Variants in SHC2 observed in about 807,000 individuals in gnomAD.
SHC2 encodes SHC-transforming protein 2.
SHC2 carries 62 observed loss-of-function variants against 60.6 expected under a neutral mutation model. The ratio of observed to expected loss-of-function variants is 1.02; its 90% CI spans 0.83 to 1.26. The LOEUF (loss-of-function observed/expected upper bound fraction) is 1.26, where lower values mean the gene tolerates loss of function less well. Among genes scored for constraint, SHC2 ranks in the 50% most tolerant of loss-of-function variants. SHC2 has a pLI of 0.00. For synonymous variants in SHC2, 375 were observed against 372.4 expected, an observed-to-expected ratio of 1.01 and a Z score of -0.08; for missense variants, 873 against 822.2, an observed-to-expected ratio of 1.06 and a Z score of -0.76.
Position 447,121 on chromosome 19 carries a change from C to G in SHC2, c.469-6189G>C, listed in dbSNP as rs529685539. 3.2e-4 allele frequency among the ~76,000 whole-genome samples: 49 copies of G among 152,362 alleles called. No individual in the cohort carries two copies. The South Asian group carries it at 9.3e-3, about 29-fold the overall frequency. On this transcript the variant is annotated intron_variant, in intron 1 of 12. Coordinates refer to ENST00000264554, the MANE Select transcript of SHC2 (RefSeq NM_012435.3). ...ACTGATAAATGCAGTGGGGTCCATCCGCACTCTGGAACGTGACCCAGACGT... is the reference window on the plus strand; with the variant it reads ...ACTGATAAATGCAGTGGGGTCCATCGGCACTCTGGAACGTGACCCAGACGT...
chr19:429,108 C>T (rs540643274), intron 9 of SHC2, among the ~76,000 whole-genome samples: 3 of 149,478 alleles, frequency 2.0e-5, no homozygotes, highest in Non-Finnish European at 4.4e-5. Context: ...CTATACCCAA[C>T]GTGCACGGAA....
rs150449162 is a variant in SHC2, at chr19:434,963, C to T, written c.954-98G>A. 6.0e-3 allele frequency: 7,777 copies of T among 1,298,996 alleles called. 33 individuals are homozygous for T. The highest frequency in any genetic ancestry group is 7.2e-3 in the African/African-American group (485 of 67,290). 80.5% of individuals were successfully genotyped at this position (1,298,996 alleles called of 1,614,324 possible). ...TGGGGGAGCAGGAAATATCTGAGTT[C>T]GAATCCCAGCCCCCCACCTGTCACT... is the stretch of plus-strand genomic sequence containing the variant. On this transcript the variant is annotated intron_variant, in intron 7 of 12. Coordinates refer to ENST00000264554, the MANE Select transcript of SHC2 (RefSeq NM_012435.3).
chr19:447,930 G>C (rs923529570), intron 1 of SHC2, among the ~76,000 whole-genome samples: 2 of 152,244 alleles, frequency 1.3e-5, no homozygotes, highest in Non-Finnish European at 2.9e-5. Flanking sequence ...AGTGCGTGAA[G>C]GTTTGCTGGG....
At chr19:419,078 A>G (rs1210936327) in intron 11 of SHC2, 22 bp from the exon 12 acceptor site, 2 of 1,558,710 alleles carry the variant, frequency 1.3e-6, no homozygotes, top group South Asian at 2.4e-5. Flanking sequence ...AGACCTCGGC[A>G]TCAGCTCCCG....
chr19:443,298 G>A (rs1332074636), intron 1 of SHC2, among the ~76,000 whole-genome samples: 1 of 145,744 alleles, frequency 6.9e-6, no homozygotes, highest in African/African-American at 2.6e-5. Context: ...GCATGGATGG[G>A]TGGGTGGATG....
chr19:436,061 A>G, intron 7 of SHC2, 104 bp downstream of exon 7: 1 of 1,277,462 alleles, frequency 7.8e-7, no homozygotes, highest in Non-Finnish European at 1.1e-6. Flanking sequence ...AGGGAGGGAC[A>G]AGGGCAGGAC....
chr19:417,300 G>A lies in SHC2; in HGVS notation c.*28C>T, dbSNP rs1431027061. On this transcript the variant is annotated 3_prime_UTR_variant, in exon 13 of 13. Transcript: ENST00000264554. ...AGGAGCCGGGGCTGAGAACAGGCAG[G>A]AGCCAGGGCTGAGAACGGTCACCTG... 1 of 153,034 alleles carries A rather than the reference G, an allele frequency of 6.5e-6. No individual in the cohort carries two copies. Among genetic ancestry groups the A allele is most frequent in the Non-Finnish European group, 1.5e-5 (1 of 68,676 alleles). 9.5% of individuals were successfully genotyped at this position (153,034 alleles called of 1,614,324 possible).
intron 1 of SHC2, among the ~76,000 whole-genome samples, chr19:457,406 C>CCTTTGCACCTGCGCCTG: frequency 6.6e-6 from 1 of 152,174 alleles, no homozygotes; most frequent in Non-Finnish European, 1.5e-5. Context: ...AACCCCACGG[C>CCTTTGCACCTGCGCCTG]CGGGGTTTCC....
At position 425,504 on chromosome 19, in the gene SHC2, G is replaced by C. The variant is rs963512818; in HGVS notation, c.1175-273C>G. ...GTGGGCACCAGACGTCCACGCCCAG[G>C]GAGAAGGCAGCCGCTGCTCCACCCC... On this transcript the variant is annotated intron_variant, in intron 9 of 12. Transcript: ENST00000264554. The surrounding 1 kb of genome is among the most constrained non-coding windows in gnomAD (Gnocchi z 4.1). Among the ~76,000 whole-genome samples the C allele has an allele frequency of 1.3e-5, 2 of 152,184 alleles. No homozygotes were observed. Among genetic ancestry groups the C allele is most frequent in the African/African-American group, 2.4e-5 (1 of 41,440 alleles).
intron 11 of SHC2, 39 bp from the exon 12 acceptor site, chr19:419,095 C>G: frequency 6.5e-7 from 1 of 1,539,556 alleles, no homozygotes; most frequent in Non-Finnish European, 8.8e-7. Flanking sequence ...CCCGGGAGCC[C>G]GCCTGGACCC....
chr19:417,898 G>A (rs999370881), intron 12 of SHC2, among the ~76,000 whole-genome samples: 4 of 152,112 alleles, frequency 2.6e-5, no homozygotes, highest in Non-Finnish European at 5.9e-5. Flanking sequence ...CCGTTGTCAT[G>A]GGGACAGGAG....
rs555618796 is a variant in SHC2, at chr19:453,045, A to C, written c.468+7484T>G. 8.5e-5 allele frequency: 13 copies of C among 152,304 alleles called. No individual in the cohort carries two copies. Among genetic ancestry groups the C allele is most frequent in the Non-Finnish European group, 1.6e-4 (11 of 68,036 alleles). 9.4% of individuals were successfully genotyped at this position (152,304 alleles called of 1,614,324 possible). A position where few individuals can be genotyped will look rare whatever the true frequency, so the allele number is the denominator to read the frequency against. On this transcript the variant is annotated intron_variant, in intron 1 of 12. Coordinates refer to ENST00000264554, the MANE Select transcript of SHC2 (RefSeq NM_012435.3). The surrounding 1 kb of genome is among the most constrained non-coding windows in gnomAD (Gnocchi z 6.3). ...CTCCCAGTGGACGTGGCCGGGTCCC[A>C]GCGACGTCGGGTGCTGTGGCCACCA...
intron 1 of SHC2, among the ~76,000 whole-genome samples, chr19:442,356 A>AGGATGGAT (rs932210278): frequency 7.8e-6 from 1 of 127,580 alleles, no homozygotes; most frequent in Non-Finnish European, 1.6e-5. Flanking sequence ...GGAGGGTGGA[A>AGGATGGAT]GGATGGATGG....
chr19:442,471 ATGGG>A (rs1449412641), intron 1 of SHC2, among the ~76,000 whole-genome samples: 11 of 90,046 alleles, frequency 1.2e-4, no homozygotes, highest in Admixed American at 2.3e-4. Context: ...GGGTGGGTGG[ATGGG>A]TGGGTGGATG....
chr19:435,314 G>A (rs1974690491), intron 7 of SHC2, among the ~76,000 whole-genome samples: 1 of 152,236 alleles, frequency 6.6e-6, no homozygotes, highest in Non-Finnish European at 1.5e-5. Context: ...AGCCAGAGGG[G>A]TGCACCCCAC....
In SHC2 at chr19:460,799, C is replaced by G; in HGVS notation, c.198G>C (p.Pro66=). Residue 66 remains proline (P), a synonymous_variant, in exon 1 of 13, where the codon CCG becomes CCC. Coordinates refer to ENST00000264554, the MANE Select transcript of SHC2 (RefSeq NM_012435.3). ...GCGCCGGGACGCCCCCCGGGCCCGC[C>G]GGCTCGGGTTGGGGGTCCGCGCCCC... The part of the protein sequence containing the change: ...ASGGADPQPE[P]AGPGGVPALA... 1 of 978,930 alleles carries G rather than the reference C, an allele frequency of 1.0e-6. No homozygotes were observed. The highest frequency in any genetic ancestry group is 4.6e-5 in the South Asian group (1 of 21,818). The allele number at this position is 978,930 out of a possible 1,614,324, so 60.6% of individuals were successfully genotyped here.
chr19:418,076 A>G (rs904932553), intron 12 of SHC2, among the ~76,000 whole-genome samples: 1 of 151,538 alleles, frequency 6.6e-6, no homozygotes, highest in African/African-American at 2.4e-5. Context: ...CCATGAGATC[A>G]CCCAGACCTG....
chr19:461,004 G>T lies in SHC2; in HGVS notation c.-8C>A. The T allele has an allele frequency of 1.1e-6, 1 of 944,372 alleles. No homozygotes were observed. The highest frequency in any genetic ancestry group is 1.3e-6 in the Non-Finnish European group (1 of 792,388). The allele number at this position is 944,372 out of a possible 1,614,324, so 58.5% of individuals were successfully genotyped here. A position where few individuals can be genotyped will look rare whatever the true frequency, so the allele number is the denominator to read the frequency against. On this transcript the variant is annotated 5_prime_UTR_variant, in exon 1 of 13. Coordinates refer to ENST00000264554, the MANE Select transcript of SHC2 (RefSeq NM_012435.3). ...GCCCGGACCCTGCGTCATGGCCGCGGCCGCCCGACGGAGCCCGACCGGGCG... is the reference window on the plus strand; with the variant it reads ...GCCCGGACCCTGCGTCATGGCCGCGTCCGCCCGACGGAGCCCGACCGGGCG...
chr19:420,994 G>A (rs1359631914), intron 11 of SHC2, among the ~76,000 whole-genome samples: 2 of 152,096 alleles, frequency 1.3e-5, no homozygotes, highest in African/African-American at 4.8e-5. Context: ...AGGTTACAGT[G>A]AGCTGAGATT....
Sources: allele counts gnomAD v4.1 joint callset (sites outside exome capture counted in the v4.1 genomes callset), GRCh38; gene constraint gnomAD v4.1.1; non-coding constraint Gnocchi (gnomAD v3.1); transcripts MANE v1.5; gene names NCBI Gene and HGNC (gene_info 2026-07-23, HGNC 2026-07-21).